CCNJL: variants seen among roughly 807,000 people sequenced by gnomAD.
CCNJL encodes the protein cyclin J like, also known as cyclin-J-like protein.
Under a neutral mutation model 33.4 loss-of-function variants are expected in CCNJL, and 33 were observed. The ratio of observed to expected loss-of-function variants is 0.99; its 90% CI spans 0.75 to 1.32. The LOEUF is 1.32. Among genes scored for constraint, CCNJL ranks in the 40% most tolerant of loss-of-function variants. The pLI, the probability that CCNJL is intolerant of heterozygous loss-of-function variation, is 0.00. For missense variants in CCNJL, 512 were observed against 499.7 expected (o/e 1.02, Z -0.23); for synonymous variants, 227 against 220.9 (o/e 1.03, Z -0.24).
At chr5:160,270,290 A>C (rs1235592287) in intron 3 of CCNJL, among the ~76,000 whole-genome samples, 1 of 152,324 alleles carries the variant, frequency 6.6e-6, no homozygotes, top group East Asian at 1.9e-4. Context: ...CTAAAAATAC[A>C]AAAATTAGCT....
At chr5:160,317,268 AAGC>A (rs1466011995), upstream of CCNJL, among the ~76,000 whole-genome samples, 18 of 152,220 alleles carry the variant, frequency 1.2e-4, no homozygotes, top group African/African-American at 4.3e-4. Flanking sequence ...AAGAATAAAA[AAGC>A]AGCATTTTGC....
At position 160,258,086 on chromosome 5, in the gene CCNJL, T is replaced by A. The variant is rs188095387; in HGVS notation, c.583+1383A>T. Among the ~76,000 whole-genome samples, 5 of 152,228 alleles carry A rather than the reference T, an allele frequency of 3.3e-5. No individual in the cohort carries two copies. In the East Asian group the frequency reaches 9.7e-4, roughly 29 times the overall value. ...GTCTTGAACTCCTGACCTCAGGTGA[T>A]CTGCCCACCTCAGCCTCCCAAAGTG... On this transcript the variant is annotated intron_variant, in intron 4 of 5. Transcript: ENST00000257536.
rs149083757 is a variant in CCNJL, at chr5:160,301,625, T to C, written c.66+10233A>G. ...TTTTTTTGTTTATTTTTAGTAGAGA[T>C]GGGATTTCACCATGTTGGCCAGGAT... On this transcript the variant is annotated intron_variant, in intron 2 of 5. Transcript: ENST00000257536. 2.6e-3 allele frequency among the ~76,000 whole-genome samples: 389 copies of C among 150,826 alleles called. 1 individual carries two copies. The highest frequency in any genetic ancestry group is 8.9e-3 in the African/African-American group (365 of 40,962).
rs1760769926 is a variant in CCNJL at position 160,250,238 on chromosome 5, A to G, written c.*3140T>C. ...AACTTGACCATCTCCATAGTAACAG[A>G]TGGAGAAATGGAAGCCCAAAGAGGG... On this transcript the variant is annotated 3_prime_UTR_variant, in exon 6 of 6. Transcript: ENST00000257536. 6.6e-6 allele frequency: 1 copy of G among 152,230 alleles called. No individual in the cohort carries two copies. The highest frequency in any genetic ancestry group is 1.5e-5 in the Non-Finnish European group (1 of 68,052). 9.4% of individuals were successfully genotyped at this position (152,230 alleles called of 1,614,324 possible). A position where few individuals can be genotyped will look rare whatever the true frequency, so the allele number is the denominator to read the frequency against.
intron 2 of CCNJL, among the ~76,000 whole-genome samples, chr5:160,299,117 T>C (rs961750517): frequency 6.6e-6 from 1 of 152,090 alleles, no homozygotes; most frequent in Non-Finnish European, 1.5e-5. Flanking sequence ...TAGTTGGGAT[T>C]ACAGGTGTGT....
rs113711687 is a variant in CCNJL, at chr5:160,335,631, C to T, written n.206+3814G>A. Among the ~76,000 whole-genome samples, 1,349 of 152,008 alleles carry T rather than the reference C, an allele frequency of 8.9e-3. 18 individuals carry two copies. Among genetic ancestry groups the T allele is most frequent in the African/African-American group, 0.03 (1,261 of 41,462 alleles). The stretch of plus-strand genomic sequence containing the variant: ...TGTTGCCCAAGCTGGAGTGCAGTGG[C>T]GTGATCATAGCTCGCTGCAGCCTTT... On this transcript the variant is annotated intron_variant and non_coding_transcript_variant, in intron 1 of 7. Transcript: ENST00000377503.
chr5:160,338,134 C>T (rs1763704841), intron 1 of CCNJL, among the ~76,000 whole-genome samples: 1 of 152,196 alleles, frequency 6.6e-6, no homozygotes, highest in African/African-American at 2.4e-5. Context: ...ACCTGGCTCA[C>T]TCCTGTAGTC....
intron 1 of CCNJL, among the ~76,000 whole-genome samples, chr5:160,330,819 A>G (rs1314597804): frequency 1.3e-5 from 2 of 151,920 alleles, no homozygotes; most frequent in Admixed American, 1.3e-4. Context: ...ATGCGCCATC[A>G]TGCCTGGCTA....
chr5:160,268,151 C>T (rs1442514591), intron 3 of CCNJL, among the ~76,000 whole-genome samples: 2 of 152,202 alleles, frequency 1.3e-5, no homozygotes, highest in African/African-American at 4.8e-5. Context: ...CTCATACGCC[C>T]AGCAGACAAG....
chr5:160,272,152 G>A (rs931228515), intron 3 of CCNJL, among the ~76,000 whole-genome samples: 12 of 152,258 alleles, frequency 7.9e-5, no homozygotes, highest in Non-Finnish European at 1.3e-4. Context: ...CATCCTTGTC[G>A]ACCAGAAAGG....
At chr5:160,308,425 A>G (rs755542531) in intron 2 of CCNJL, among the ~76,000 whole-genome samples, 4 of 152,238 alleles carry the variant, frequency 2.6e-5, no homozygotes, top group Non-Finnish European at 5.9e-5. Context: ...CTCGTGTAGC[A>G]TGTATTCTAG....
chr5:160,265,225 T>C (rs750798930), intron 3 of CCNJL, among the ~76,000 whole-genome samples: 8 of 152,162 alleles, frequency 5.3e-5, no homozygotes, highest in Non-Finnish European at 1.0e-4. Context: ...GATGGACCCA[T>C]TCAGGGCTAC....
In CCNJL at chr5:160,304,307, T is replaced by A. The variant is rs573270896; in HGVS notation, c.66+7551A>T. On this transcript the variant is annotated intron_variant, in intron 2 of 5. Coordinates refer to ENST00000257536, the MANE Select transcript of CCNJL (RefSeq NM_001308173.3). ...TGCAGTCAGTTTCAAAGCTAGACAC[T>A]ATCTTGAGTGGCAGCCCATCTTGTC... Among the ~76,000 whole-genome samples, 4 of 152,310 alleles carry A rather than the reference T, an allele frequency of 2.6e-5. No individual in the cohort carries two copies. In the East Asian group the frequency reaches 7.7e-4, roughly 29 times the overall value.
chr5:160,277,385 GT>G (rs1195027847), intron 3 of CCNJL, among the ~76,000 whole-genome samples: 38 of 152,290 alleles, frequency 2.5e-4, no homozygotes, highest in African/African-American at 8.7e-4. Flanking sequence ...GGATTTCCAC[GT>G]TGTCAAATTA....
intron 1 of CCNJL, among the ~76,000 whole-genome samples, chr5:160,321,012 CTCTT>C (rs59309263): frequency 0.012 from 850 of 71,768 alleles, 4 homozygotes; most frequent in East Asian, 0.029. Flanking sequence ...CTCTCTCTCT[CTCTT>C]TCTTTCTTTC....
chr5:160,290,790 C>A (rs1318244094), intron 2 of CCNJL, among the ~76,000 whole-genome samples: 1 of 152,038 alleles, frequency 6.6e-6, no homozygotes, highest in African/African-American at 2.4e-5. Context: ...CTCCATATTT[C>A]AGGAATGGCA....
intron 4 of CCNJL, among the ~76,000 whole-genome samples, chr5:160,256,989 G>A (rs1761093548): frequency 6.6e-6 from 1 of 151,876 alleles, no homozygotes; most frequent in Non-Finnish European, 1.5e-5. Context: ...AGTTCATAGG[G>A]CAGCTAAACA....
At chr5:160,272,699 C>T (rs1325207791) in intron 3 of CCNJL, among the ~76,000 whole-genome samples, 1 of 152,220 alleles carries the variant, frequency 6.6e-6, no homozygotes, top group Non-Finnish European at 1.5e-5. Flanking sequence ...AAGGCTCCCA[C>T]AAATGAAGTC....
Position 160,262,192 on chromosome 5 carries a change from G to A in CCNJL, c.281-2421C>T, listed in dbSNP as rs190800687. Among the ~76,000 whole-genome samples the A allele has an allele frequency of 4.0e-3, 614 of 152,326 alleles. 5 individuals carry two copies. The highest frequency in any genetic ancestry group is 0.014 in the African/African-American group (587 of 41,576). ...GAGCAGGAGGTGGCGAGGTGAAGGT[G>A]CACTGTACTGGGGTGGCACTAAGAC... On this transcript the variant is annotated intron_variant, in intron 3 of 5. Coordinates refer to ENST00000257536, the MANE Select transcript of CCNJL (RefSeq NM_001308173.3).
Sources: allele counts gnomAD v4.1 joint callset (sites outside exome capture counted in the v4.1 genomes callset), GRCh38; gene constraint gnomAD v4.1.1; transcripts MANE v1.5; gene names NCBI Gene and HGNC (gene_info 2026-07-23, HGNC 2026-07-21).